DCDC2: variants seen among roughly 807,000 people sequenced by gnomAD.
DCDC2 encodes doublecortin domain-containing protein 2.
DCDC2 carries 40 observed loss-of-function variants against 50.2 expected under a neutral mutation model. The ratio of observed to expected loss-of-function variants is 0.80; its 90% CI spans 0.62 to 1.04. The LOEUF (loss-of-function observed/expected upper bound fraction) is 1.04, where lower values mean the gene tolerates loss of function less well. DCDC2 is among the 50% of genes least tolerant of loss of function. The pLI is 0.00. For synonymous variants in DCDC2, 234 were observed against 210.6 expected (o/e 1.11, Z -0.96); for missense variants, 570 against 581.9 (o/e 0.98, Z 0.21).
intron 1 of DCDC2, among the ~76,000 whole-genome samples, chr6:24,356,683 T>C (rs1394111147): frequency 6.6e-5 from 10 of 152,254 alleles, no homozygotes; most frequent in East Asian, 1.9e-4. Context: ...TGCATTAAAA[T>C]TGTTAGTGTG....
At chr6:24,176,680 C>T (rs144616518) in intron 9 of DCDC2, among the ~76,000 whole-genome samples, 7 of 152,248 alleles carry the variant, frequency 4.6e-5, no homozygotes, top group East Asian at 1.9e-4. Flanking sequence ...TGTTATTATA[C>T]GTTAGACACC....
intron 2 of DCDC2, among the ~76,000 whole-genome samples, chr6:24,338,494 A>G (rs954821575): frequency 3.3e-5 from 5 of 152,124 alleles, no homozygotes; most frequent in African/African-American, 1.2e-4. Context: ...CTGTTTCTCA[A>G]ATCTAATCCT....
At chr6:24,182,138 CTAACA>C (rs1488632924) in intron 8 of DCDC2, among the ~76,000 whole-genome samples, 1 of 152,112 alleles carries the variant, frequency 6.6e-6, no homozygotes, top group Admixed American at 6.6e-5. Context: ...GTATCCTTAC[CTAACA>C]TATGTACAAA....
intron 7 of DCDC2, among the ~76,000 whole-genome samples, chr6:24,247,737 G>A (rs902141242): frequency 3.3e-5 from 5 of 152,186 alleles, no homozygotes; most frequent in African/African-American, 1.2e-4. Flanking sequence ...TGGAGGCAGA[G>A]CACTATATTT....
chr6:24,357,822 C>A lies in DCDC2; in HGVS notation c.-72G>T, dbSNP rs1561787559. 6.2e-7 allele frequency: 1 copy of A among 1,604,000 alleles called. No homozygotes were observed. The highest frequency in any genetic ancestry group is 8.5e-7 in the Non-Finnish European group (1 of 1,173,846). On this transcript the variant is annotated 5_prime_UTR_variant, in exon 1 of 10. Coordinates refer to ENST00000378454, the MANE Select transcript of DCDC2 (RefSeq NM_016356.5). ...CACCTCCGCTGTCCCAGCGGCCTCA[C>A]CGCACCCAGGGCGCGGGATCGCCTC... is the stretch of plus-strand genomic sequence containing the variant.
intron 4 of DCDC2, among the ~76,000 whole-genome samples, chr6:24,293,380 T>A (rs554975446): frequency 1.3e-5 from 2 of 152,280 alleles, no homozygotes; most frequent in African/African-American, 4.8e-5. Flanking sequence ...TACTGATGCA[T>A]AGGGAGGGGC....
chr6:24,228,672 A>C (rs1762281895), intron 7 of DCDC2, among the ~76,000 whole-genome samples: 1 of 152,236 alleles, frequency 6.6e-6, no homozygotes, highest in Non-Finnish European at 1.5e-5. Flanking sequence ...AACATCTGCT[A>C]ATGAAGAATC....
intron 7 of DCDC2, among the ~76,000 whole-genome samples, chr6:24,229,529 G>A (rs543542540): frequency 6.6e-6 from 1 of 151,920 alleles, no homozygotes. Flanking sequence ...GAATCTTTGG[G>A]GGCCGTTATT....
Position 24,194,859 on chromosome 6 carries a change from AC to A in DCDC2, c.1023+10142del, listed in dbSNP as rs375473100. Among the ~76,000 whole-genome samples, 270 of 152,302 alleles carry A rather than the reference AC, an allele frequency of 1.8e-3. 1 individual carries two copies. Among genetic ancestry groups the A allele is most frequent in the African/African-American group, 6.3e-3 (260 of 41,564 alleles). On this transcript the variant is annotated intron_variant, in intron 8 of 9. Coordinates refer to ENST00000378454, the MANE Select transcript of DCDC2 (RefSeq NM_016356.5). ...GACCTAAACTCACCTCTGAGAAAACACGTTTGTTCTGGCCTCCCTAAATGCA... is the reference window on the plus strand; with the variant it reads ...GACCTAAACTCACCTCTGAGAAAACAGTTTGTTCTGGCCTCCCTAAATGCA...
At chr6:24,206,772 G>A (rs1761724443) in intron 7 of DCDC2, among the ~76,000 whole-genome samples, 1 of 152,186 alleles carries the variant, frequency 6.6e-6, no homozygotes, top group Non-Finnish European at 1.5e-5. Context: ...AATGGAAAAT[G>A]ACAACCATAA....
At chr6:24,280,986 T>C (rs1763457118) in intron 6 of DCDC2, among the ~76,000 whole-genome samples, 1 of 152,082 alleles carries the variant, frequency 6.6e-6, no homozygotes, top group African/African-American at 2.4e-5. Flanking sequence ...CTCAGCAGGA[T>C]CATTTTCTGC....
At chr6:24,291,974 G>A (rs1350342177) in intron 4 of DCDC2, among the ~76,000 whole-genome samples, 1 of 152,110 alleles carries the variant, frequency 6.6e-6, no homozygotes, top group Admixed American at 6.5e-5. Context: ...ATGCAGAACT[G>A]CATAGCATTT....
chr6:24,265,136 A>G (rs929888326), intron 7 of DCDC2, among the ~76,000 whole-genome samples: 5 of 152,090 alleles, frequency 3.3e-5, no homozygotes, highest in African/African-American at 1.2e-4. Context: ...CCTCATCTCT[A>G]CAACAAAAAA....
At chr6:24,211,960 C>G (rs1394386949) in intron 7 of DCDC2, among the ~76,000 whole-genome samples, 2 of 152,204 alleles carry the variant, frequency 1.3e-5, no homozygotes, top group Non-Finnish European at 2.9e-5. Context: ...GGGCCACGGA[C>G]TGGAAGTGGT....
chr6:24,308,122 T>C (rs1581644301), intron 2 of DCDC2, among the ~76,000 whole-genome samples: 1 of 152,166 alleles, frequency 6.6e-6, no homozygotes, highest in East Asian at 1.9e-4. Context: ...CTTCTTCAAG[T>C]GCACGGAAGT....
intron 7 of DCDC2, among the ~76,000 whole-genome samples, chr6:24,266,567 G>T (rs1763126541): frequency 6.6e-6 from 1 of 152,078 alleles, no homozygotes. Flanking sequence ...TATATAAAAA[G>T]ATGCTCAACA....
intron 2 of DCDC2, among the ~76,000 whole-genome samples, chr6:24,337,041 T>C (rs1362485208): frequency 6.6e-6 from 1 of 152,202 alleles, no homozygotes; most frequent in Non-Finnish European, 1.5e-5. Context: ...CAACACATGA[T>C]GCTCTCCCCT....
At chr6:24,349,042 C>T (rs1377918354) in intron 2 of DCDC2, among the ~76,000 whole-genome samples, 1 of 152,068 alleles carries the variant, frequency 6.6e-6, no homozygotes, top group Non-Finnish European at 1.5e-5. Context: ...TTAATTCCAC[C>T]TTGAATGGTT....
chr6:24,286,592 C>CAAA (rs542275916), intron 6 of DCDC2, among the ~76,000 whole-genome samples: 6 of 121,806 alleles, frequency 4.9e-5, no homozygotes, highest in Non-Finnish European at 7.1e-5. Flanking sequence ...GACCCTGTCT[C>CAAA]AAAAAAAAAA....
Sources: gnomAD v4.1 joint callset for allele counts (sites outside exome capture counted in the v4.1 genomes callset) on GRCh38, gnomAD v4.1.1 for gene constraint, MANE v1.5 for transcripts, NCBI Gene and HGNC (gene_info 2026-07-23, HGNC 2026-07-21) for gene names.